Variants in STRN3 observed in about 807,000 individuals in gnomAD.
STRN3 encodes the protein striatin 3.
STRN3 carries 29 observed loss-of-function variants against 95.6 expected under a neutral mutation model. The observed-to-expected ratio is 0.30, with a 90% CI of 0.23 to 0.41. STRN3 has a LOEUF of 0.41. Among genes scored for constraint, STRN3 ranks in the 10% least tolerant of loss-of-function variants. STRN3 has a pLI of 1.00. For synonymous variants in STRN3, 331 were observed against 357.6 expected (o/e 0.93, Z 0.84); for missense variants, 890 against 972.1 (o/e 0.92, Z 1.12).
intron 8 of STRN3, among the ~76,000 whole-genome samples, chr14:30,927,040 G>A (rs1037420344): frequency 6.6e-6 from 1 of 151,966 alleles, no homozygotes; most frequent in Non-Finnish European, 1.5e-5. Context: ...ACGGTGGCTC[G>A]TGCCTATAAT....
intron 1 of STRN3, among the ~76,000 whole-genome samples, chr14:30,993,216 C>T (rs1357118838): frequency 3.3e-5 from 5 of 149,694 alleles, no homozygotes; most frequent in African/African-American, 1.2e-4. Flanking sequence ...GATCCCACCA[C>T]TCCCTTACAG....
intron 1 of STRN3, among the ~76,000 whole-genome samples, chr14:30,982,523 T>C (rs905302072): frequency 1.3e-5 from 2 of 152,226 alleles, no homozygotes; most frequent in African/African-American, 2.4e-5. Flanking sequence ...TTGGCAAGGC[T>C]GGTGCCGAAC....
At chr14:30,974,301 G>A (rs1031839788) in intron 1 of STRN3, among the ~76,000 whole-genome samples, 1 of 151,924 alleles carries the variant, frequency 6.6e-6, no homozygotes, top group Non-Finnish European at 1.5e-5. Context: ...ATCTGAAAAG[G>A]TAATTAAGAA....
At chr14:30,922,766 A>C (rs886194266) in intron 8 of STRN3, among the ~76,000 whole-genome samples, 4 of 152,178 alleles carry the variant, frequency 2.6e-5, no homozygotes, top group African/African-American at 9.6e-5. Context: ...AATTTATTTA[A>C]GACAATTGTT....
intron 1 of STRN3, among the ~76,000 whole-genome samples, chr14:31,005,824 C>T (rs138704353): frequency 5.3e-5 from 8 of 152,286 alleles, no homozygotes; most frequent in Middle Eastern, 6.8e-3. Flanking sequence ...ATAAGTACAG[C>T]TCAGAAAACA....
intron 1 of STRN3, among the ~76,000 whole-genome samples, chr14:30,986,246 C>A (rs8010398): frequency 2.0e-5 from 3 of 151,958 alleles, no homozygotes; most frequent in Admixed American, 1.3e-4. Context: ...AGATCCAAAG[C>A]GAAAAAGAAA....
chr14:30,937,492 A>AAT (rs1421136994), intron 5 of STRN3, among the ~76,000 whole-genome samples: 2 of 152,148 alleles, frequency 1.3e-5, no homozygotes, highest in South Asian at 2.1e-4. Context: ...TAATAGGGAC[A>AAT]ATATATATAT....
intron 1 of STRN3, among the ~76,000 whole-genome samples, chr14:30,981,307 C>T (rs78218387): frequency 0.018 from 2,780 of 152,002 alleles, 76 homozygotes; most frequent in African/African-American, 0.057. Context: ...GAACAAGACC[C>T]CATCTCTCAA....
intron 12 of STRN3, 142 bp from the exon 13 acceptor site, chr14:30,911,304 T>C: frequency 1.1e-6 from 1 of 949,132 alleles, no homozygotes; most frequent in Non-Finnish European, 1.5e-6. Flanking sequence ...ACTTTTTTTT[T>C]TTTTTTTTTT....
chr14:30,929,961 A>AAAAAAAAAAAAAAAAAC (rs1878417530), intron 7 of STRN3, among the ~76,000 whole-genome samples: 1 of 144,152 alleles, frequency 6.9e-6, no homozygotes, highest in Non-Finnish European at 1.5e-5. Flanking sequence ...TAGCAAAAAA[A>AAAAAAAAAAAAAAAAAC]AAAAAAAAAA....
At chr14:31,006,042 C>T (rs1284212938) in intron 1 of STRN3, among the ~76,000 whole-genome samples, 1 of 148,712 alleles carries the variant, frequency 6.7e-6, no homozygotes, top group East Asian at 2.0e-4. Flanking sequence ...TCTCTTGAAC[C>T]TGGGAGGCAG....
intron 8 of STRN3, among the ~76,000 whole-genome samples, chr14:30,923,780 T>C (rs946852802): frequency 3.9e-5 from 6 of 152,174 alleles, no homozygotes; most frequent in Non-Finnish European, 7.4e-5. Context: ...ACAGTTTAAA[T>C]TGTCCATGTT....
chr14:30,984,124 C>T (rs1293512701), intron 1 of STRN3, among the ~76,000 whole-genome samples: 2 of 85,720 alleles, frequency 2.3e-5, no homozygotes, highest in African/African-American at 8.0e-5. Context: ...TGGCATCTTC[C>T]CCGCCCCCCC....
intron 1 of STRN3, among the ~76,000 whole-genome samples, chr14:30,976,915 C>T (rs1196732064): frequency 4.4e-4 from 67 of 152,064 alleles, no homozygotes; most frequent in Non-Finnish European, 1.2e-4. Context: ...CATGGTGAAA[C>T]CCCATCTCTA....
chr14:30,916,375 C>T (rs371332189), intron 9 of STRN3, among the ~76,000 whole-genome samples: 2 of 151,138 alleles, frequency 1.3e-5, no homozygotes, highest in East Asian at 3.9e-4. Context: ...CCCAGGTTCA[C>T]GCCATTCTCC....
intron 13 of STRN3, among the ~76,000 whole-genome samples, chr14:30,909,310 C>A (rs1404095261): frequency 6.6e-6 from 1 of 152,120 alleles, no homozygotes; most frequent in East Asian, 1.9e-4. Context: ...TTTAAGACCA[C>A]CCCGGGCAAC....
chr14:30,921,246 T>C (rs1276324289), intron 8 of STRN3, among the ~76,000 whole-genome samples: 1 of 152,214 alleles, frequency 6.6e-6, no homozygotes, highest in Non-Finnish European at 1.5e-5. Context: ...CTTTATTAAA[T>C]ACTACCTTGT....
intron 13 of STRN3, among the ~76,000 whole-genome samples, chr14:30,910,118 T>G (rs571977160): frequency 1.3e-5 from 2 of 152,350 alleles, no homozygotes; most frequent in Non-Finnish European, 1.5e-5. Context: ...AACCTTACAT[T>G]TATCAGATAA....
chr14:30,944,621 ATTTT>A (rs58239655), intron 5 of STRN3, among the ~76,000 whole-genome samples: 1 of 115,760 alleles, frequency 8.6e-6, no homozygotes, highest in Non-Finnish European at 1.7e-5. Context: ...ATATATACAC[ATTTT>A]TTTTTTTTTT....
Sources: allele counts gnomAD v4.1 joint callset (sites outside exome capture counted in the v4.1 genomes callset), GRCh38; gene constraint gnomAD v4.1.1; transcripts MANE v1.5; gene names NCBI Gene and HGNC (gene_info 2026-07-23, HGNC 2026-07-21).